Variants in TPTE2 observed in about 807,000 individuals in gnomAD.
TPTE2 encodes phosphatidylinositol 3,4,5-trisphosphate 3-phosphatase TPTE2.
In TPTE2, 53 loss-of-function variants were observed where a neutral mutation model predicts 78.6. The observed-to-expected ratio is 0.67, with a 90% confidence interval of 0.54 to 0.85. The LOEUF (loss-of-function observed/expected upper bound fraction) is 0.85, where lower values mean the gene tolerates loss of function less well. TPTE2 is among the 40% of genes least tolerant of loss of function. The pLI, the probability that TPTE2 is intolerant of heterozygous loss-of-function variation, is 0.00. For missense variants in TPTE2, 461 were observed against 623.0 expected, an observed-to-expected ratio of 0.74 and a Z score of 2.77; for synonymous variants, 175 against 206.2, an observed-to-expected ratio of 0.85 and a Z score of 1.30.
intron 1 of TPTE2, among the ~76,000 whole-genome samples, chr13:19,515,875 A>G (rs541434406): frequency 2.3e-3 from 345 of 152,344 alleles, no homozygotes; most frequent in Middle Eastern, 3.4e-3. Context: ...TCAGGTGACA[A>G]GCCAGGATTG....
At chr13:19,428,321 G>T (rs1876299385) in intron 17 of TPTE2, among the ~76,000 whole-genome samples, 1 of 152,080 alleles carries the variant, frequency 6.6e-6, no homozygotes, top group Non-Finnish European at 1.5e-5. Context: ...GGTAGCACAT[G>T]CCTGTAATCC....
chr13:19,473,555 A>G (rs1879754709), intron 6 of TPTE2, among the ~76,000 whole-genome samples: 1 of 149,816 alleles, frequency 6.7e-6, no homozygotes, highest in Non-Finnish European at 1.5e-5. Context: ...AAGGCTCTTA[A>G]GTCAGTTTGT....
intron 8 of TPTE2, 66 bp from the exon 12 acceptor site, chr13:19,465,384 C>T (rs1366168164): frequency 6.2e-6 from 10 of 1,610,852 alleles, no homozygotes; most frequent in South Asian, 3.3e-5. Flanking sequence ...AAACATTATA[C>T]AGTATAGATA....
At chr13:19,505,183 G>A (rs1209846444), upstream of TPTE2, among the ~76,000 whole-genome samples, 7 of 151,798 alleles carry the variant, frequency 4.6e-5, no homozygotes, top group East Asian at 9.7e-4. Flanking sequence ...CACTCTCATC[G>A]AGGCTGGAGT....
chr13:19,548,892 G>A, the TPTE2 span, among the ~76,000 whole-genome samples: 7 of 152,170 alleles, frequency 4.6e-5, no homozygotes, highest in South Asian at 1.5e-3. Context: ...GCCAAGGCAG[G>A]CAAATCACCT....
chr13:19,550,105 CA>C, the TPTE2 span, among the ~76,000 whole-genome samples: 3 of 147,416 alleles, frequency 2.0e-5, no homozygotes, highest in African/African-American at 7.4e-5. Flanking sequence ...CCATGACACT[CA>C]AGTTACCCAT....
the TPTE2 span, among the ~76,000 whole-genome samples, chr13:19,551,960 CAAAAAAT>C: frequency 6.6e-6 from 1 of 152,106 alleles, no homozygotes; most frequent in East Asian, 1.9e-4. Flanking sequence ...ATGGATATCA[CAAAAAAT>C]AAATAGCATA....
upstream of TPTE2, among the ~76,000 whole-genome samples, chr13:19,539,940 T>C (rs760307494): frequency 6.6e-6 from 1 of 151,198 alleles, no homozygotes; most frequent in Non-Finnish European, 1.5e-5. Flanking sequence ...AGGTCAGGAG[T>C]TCAAGACCAG....
upstream of TPTE2, among the ~76,000 whole-genome samples, chr13:19,503,630 G>A (rs1165484250): frequency 6.6e-6 from 1 of 152,182 alleles, no homozygotes; most frequent in African/African-American, 2.4e-5. Context: ...TGCCTTGAAA[G>A]CCCTCCATTA....
intron 1 of TPTE2, among the ~76,000 whole-genome samples, chr13:19,534,898 A>C (rs1289756107): frequency 2.0e-5 from 3 of 152,184 alleles, no homozygotes; most frequent in African/African-American, 7.2e-5. Flanking sequence ...TAACGAGGCA[A>C]GAATCTTAAG....
intron 1 of TPTE2, among the ~76,000 whole-genome samples, chr13:19,497,633 A>G (rs1406300804): frequency 7.6e-6 from 1 of 130,962 alleles, no homozygotes; most frequent in African/African-American, 2.6e-5. Context: ...GGACATCCAC[A>G]CCAAAAACCC....
chr13:19,528,922 C>G (rs1464360668), intron 1 of TPTE2, among the ~76,000 whole-genome samples: 1 of 152,044 alleles, frequency 6.6e-6, no homozygotes, highest in Non-Finnish European at 1.5e-5. Context: ...GAGTTCAAGA[C>G]CAGCCTGGAA....
upstream of TPTE2, among the ~76,000 whole-genome samples, chr13:19,538,606 G>A (rs1871344137): frequency 6.6e-6 from 1 of 151,404 alleles, no homozygotes; most frequent in African/African-American, 2.4e-5. Context: ...TTGGCTCACT[G>A]CAACCTCCAC....
chr13:19,493,023 C>G, intron 2 of TPTE2, 120 bp from the exon 6 acceptor site: 1 of 1,407,310 alleles, frequency 7.1e-7, no homozygotes, highest in Non-Finnish European at 9.8e-7. Context: ...AAATCTGAGT[C>G]CCATAAAAAT....
At chr13:19,444,899 A>G (rs73164656) in intron 13 of TPTE2, among the ~76,000 whole-genome samples, 2,341 of 152,328 alleles carry the variant, frequency 0.015, 22 homozygotes, top group Non-Finnish European at 0.026. Flanking sequence ...CTTCTGAACC[A>G]TTGTGCTGGA....
upstream of TPTE2, among the ~76,000 whole-genome samples, chr13:19,537,914 C>CT (rs1040206191): frequency 2.0e-5 from 3 of 151,974 alleles, no homozygotes; most frequent in Non-Finnish European, 4.4e-5. Flanking sequence ...CGGACAGAAG[C>CT]TTTTTAATGC....
upstream of TPTE2, among the ~76,000 whole-genome samples, chr13:19,505,486 C>T (rs1439776360): frequency 6.6e-6 from 1 of 152,060 alleles, no homozygotes; most frequent in Non-Finnish European, 1.5e-5. Flanking sequence ...AGGAAACATG[C>T]CTCTTACCCC....
chr13:19,434,835 T>A (rs905518919), intron 15 of TPTE2, among the ~76,000 whole-genome samples: 16 of 152,136 alleles, frequency 1.1e-4, no homozygotes, highest in Non-Finnish European at 1.9e-4. Context: ...AAAGGCAATA[T>A]AAATGAGAAG....
At chr13:19,426,617 T>G (rs1876111038) in intron 17 of TPTE2, 100 bp from the exon 21 acceptor site, 2 of 687,360 alleles carry the variant, frequency 2.9e-6, no homozygotes, top group Non-Finnish European at 5.1e-6. Flanking sequence ...CAAGTACTTT[T>G]GCTCTCACAG....
Sources: gnomAD v4.1 joint callset for allele counts (sites outside exome capture counted in the v4.1 genomes callset) on GRCh38, gnomAD v4.1.1 for gene constraint, MANE v1.5 for transcripts, NCBI Gene and HGNC (gene_info 2026-07-23, HGNC 2026-07-21) for gene names.